DPP6: variants seen among roughly 807,000 people sequenced by gnomAD.
The protein encoded by DPP6 is A-type potassium channel modulatory protein DPP6.
DPP6 carries 69 observed loss-of-function variants against 122.6 expected under a neutral mutation model. That is an observed-to-expected ratio of 0.56 (90% CI 0.46 to 0.69). DPP6 has a LOEUF of 0.69. Ranked by LOEUF, DPP6 falls within the 30% of genes least tolerant of loss-of-function variation. The probability of loss-of-function intolerance (pLI) is 0.00; values close to 1 mark genes in which losing one functional copy is unlikely to be tolerated. For missense variants in DPP6, 928 were observed against 1,116.9 expected (o/e 0.83, Z 2.41); for synonymous variants, 418 against 433.1 (o/e 0.97, Z 0.43).
rs574915885 is a variant in DPP6, at chr7:154,634,257, C to T, written c.628-3564C>T. 2.4e-3 allele frequency among the ~76,000 whole-genome samples: 348 copies of T among 147,344 alleles called. 1 individual carries two copies. The highest frequency in any genetic ancestry group is 8.0e-3 in the African/African-American group (319 of 39,942). On this transcript the variant is annotated intron_variant, in intron 5 of 25. Coordinates refer to ENST00000377770, the MANE Select transcript of DPP6 (RefSeq NM_130797.4). ...ATTCCCACCTATGAGTCAGAACATG[C>T]GGTGTTTGGTTTTTTGTCCTTGCGC...
chr7:153,794,477 A>AC, the DPP6 span, among the ~76,000 whole-genome samples: 1 of 152,046 alleles, frequency 6.6e-6, no homozygotes, highest in Admixed American at 6.6e-5. Context: ...CAATACTGAT[A>AC]CCTCCATTGT....
chr7:153,843,181 T>C, the DPP6 span, among the ~76,000 whole-genome samples: 2 of 150,218 alleles, frequency 1.3e-5, no homozygotes, highest in Non-Finnish European at 3.0e-5. Flanking sequence ...CACGAGTGCA[T>C]ACACACGCGT....
the DPP6 span, among the ~76,000 whole-genome samples, chr7:153,766,296 C>T: frequency 6.6e-6 from 1 of 152,150 alleles, no homozygotes; most frequent in African/African-American, 2.4e-5. Context: ...TCGACTTTTG[C>T]TATGTGGCCA....
At chr7:154,085,114 T>C (rs1460581629) in intron 1 of DPP6, among the ~76,000 whole-genome samples, 1 of 149,200 alleles carries the variant, frequency 6.7e-6, no homozygotes, top group Non-Finnish European at 1.5e-5. Flanking sequence ...AGGGAAAGAA[T>C]AAAGAAAAAA....
chr7:154,152,843 A>G (rs1796491042), intron 1 of DPP6, among the ~76,000 whole-genome samples: 2 of 152,222 alleles, frequency 1.3e-5, no homozygotes, highest in African/African-American at 4.8e-5. Context: ...TCCAATCAGA[A>G]ACAAGCCCTT....
intron 1 of DPP6, among the ~76,000 whole-genome samples, chr7:154,306,350 G>T (rs1291557091): frequency 6.6e-6 from 1 of 152,210 alleles, no homozygotes; most frequent in Non-Finnish European, 1.5e-5. Context: ...GATCTTGAGG[G>T]TTCTTGTCTT....
At chr7:154,837,275 G>A (rs189563891) in intron 16 of DPP6, among the ~76,000 whole-genome samples, 5,520 of 147,514 alleles carry the variant, frequency 0.037, 158 homozygotes, top group Non-Finnish European at 0.058. Flanking sequence ...ACATGCACAC[G>A]CATGCAGGCA....
chr7:153,777,268 G>A, the DPP6 span, among the ~76,000 whole-genome samples: 1 of 152,130 alleles, frequency 6.6e-6, no homozygotes, highest in African/African-American at 2.4e-5. Flanking sequence ...AGGTCACAGA[G>A]CAACTGGATT....
chr7:154,764,462 C>T (rs1355768738), intron 8 of DPP6, among the ~76,000 whole-genome samples: 2 of 152,186 alleles, frequency 1.3e-5, no homozygotes, highest in Non-Finnish European at 2.9e-5. Flanking sequence ...AACCCAGCAG[C>T]AGGAACTCAG....
intron 8 of DPP6, among the ~76,000 whole-genome samples, chr7:154,764,564 A>G (rs1224797851): frequency 6.6e-6 from 1 of 152,128 alleles, no homozygotes; most frequent in African/African-American, 2.4e-5. Flanking sequence ...TCTTTTACTA[A>G]AAAGAGAAGG....
intron 7 of DPP6, among the ~76,000 whole-genome samples, chr7:154,684,363 C>T (rs1196231782): frequency 6.6e-6 from 1 of 152,188 alleles, no homozygotes. Context: ...AAGCACCTCT[C>T]GTGTTCACTG....
the DPP6 span, among the ~76,000 whole-genome samples, chr7:153,834,458 C>A: frequency 1.3e-5 from 2 of 151,758 alleles, no homozygotes; most frequent in African/African-American, 4.8e-5. Context: ...AGTCTCAGTT[C>A]ATTTATATGT....
chr7:154,887,478 C>T (rs1219927989), intron 22 of DPP6, among the ~76,000 whole-genome samples, 198 bp from the exon 23 acceptor site: 4 of 152,148 alleles, frequency 2.6e-5, no homozygotes, highest in Non-Finnish European at 5.9e-5. Flanking sequence ...CCCGTTGTAC[C>T]GCCTGATGCC....
At chr7:154,762,788 T>C (rs1795640070) in intron 8 of DPP6, among the ~76,000 whole-genome samples, 1 of 152,252 alleles carries the variant, frequency 6.6e-6, no homozygotes, top group Non-Finnish European at 1.5e-5. Flanking sequence ...AGTTTATAAC[T>C]TTACATTCTG....
At chr7:154,825,092 C>T (rs1800055100) in intron 16 of DPP6, among the ~76,000 whole-genome samples, 1 of 152,204 alleles carries the variant, frequency 6.6e-6, no homozygotes, top group South Asian at 2.1e-4. Flanking sequence ...CAGGCCACAT[C>T]TGGTCCGCAG....
chr7:154,510,979 G>C lies in DPP6; in HGVS notation c.458-29553G>C, dbSNP rs1370468868. ...ACACACACACACACACACAGAGAGAGAGAGAGCAAGGAAAAGATAGACCCT... is the reference window on the plus strand; with the variant it reads ...ACACACACACACACACACAGAGAGACAGAGAGCAAGGAAAAGATAGACCCT... On this transcript the variant is annotated intron_variant, in intron 3 of 25. Transcript: ENST00000377770. Among the ~76,000 whole-genome samples, 115 of 149,306 alleles carry C rather than the reference G, an allele frequency of 7.7e-4. No individual in the cohort carries two copies. In the South Asian group the frequency reaches 1.0e-2, roughly 13 times the overall value.
rs190176009 is a variant in DPP6, at chr7:154,746,908, A to G, written c.883+19021A>G. On this transcript the variant is annotated intron_variant, in intron 8 of 25. Coordinates refer to ENST00000377770, the MANE Select transcript of DPP6 (RefSeq NM_130797.4). Reference sequence around the variant, plus strand: ...AAATAAGTCGTTCAAGCTCTTCTCTAACTCAAGTATAAGCACCCTATAACT... The same window carrying G: ...AAATAAGTCGTTCAAGCTCTTCTCTGACTCAAGTATAAGCACCCTATAACT... 1.7e-3 allele frequency among the ~76,000 whole-genome samples: 265 copies of G among 152,334 alleles called. 1 individual carries two copies. The highest frequency in any genetic ancestry group is 3.4e-4 in the Non-Finnish European group (23 of 68,036).
At chr7:154,279,581 C>G (rs1472123829) in intron 1 of DPP6, among the ~76,000 whole-genome samples, 1 of 152,198 alleles carries the variant, frequency 6.6e-6, no homozygotes, top group African/African-American at 2.4e-5. Flanking sequence ...GAACGTGAGC[C>G]TTTCTTCCTG....
intron 1 of DPP6, among the ~76,000 whole-genome samples, chr7:154,341,323 C>A (rs527689677): frequency 1.3e-5 from 2 of 152,096 alleles, no homozygotes; most frequent in Admixed American, 1.3e-4. Context: ...CTGACATCTG[C>A]GGTGGCTGTG....
Sources: gnomAD v4.1 joint callset for allele counts (sites outside exome capture counted in the v4.1 genomes callset) on GRCh38, gnomAD v4.1.1 for gene constraint, MANE v1.5 for transcripts, NCBI Gene and HGNC (gene_info 2026-07-23, HGNC 2026-07-21) for gene names.